STK24: variants seen among roughly 807,000 people sequenced by gnomAD.
The protein encoded by STK24 is serine/threonine-protein kinase 24.
A neutral mutation model predicts 55.6 loss-of-function variants in STK24; 21 were observed. The ratio of observed to expected loss-of-function variants is 0.38; its 90% CI spans 0.27 to 0.54. The LOEUF is 0.54. Ranked by LOEUF, STK24 falls within the 20% of genes least tolerant of loss-of-function variation. STK24 has a pLI of 0.79. For missense variants in STK24, 383 were observed against 538.4 expected (o/e 0.71, Z 2.86); for synonymous variants, 200 against 215.2 (o/e 0.93, Z 0.62).
intron 1 of STK24, among the ~76,000 whole-genome samples, chr13:98,535,914 C>T (rs1406802164): frequency 6.6e-6 from 1 of 152,190 alleles, no homozygotes; most frequent in Non-Finnish European, 1.5e-5. Flanking sequence ...AACTCACCTT[C>T]CTGTATTTTA....
chr13:98,503,024 G>GTTTTTTTTTGTT (rs1895541764), intron 2 of STK24, among the ~76,000 whole-genome samples: 1 of 107,084 alleles, frequency 9.3e-6, no homozygotes, highest in Admixed American at 1.0e-4. Flanking sequence ...CTTTCCATGT[G>GTTTTTTTTTGTT]TTTTTTTTTT....
intron 1 of STK24, among the ~76,000 whole-genome samples, chr13:98,531,382 T>C (rs1896575662): frequency 1.3e-5 from 2 of 152,104 alleles, no homozygotes; most frequent in African/African-American, 4.8e-5. Flanking sequence ...TGTGGGCAGT[T>C]TTCCCGCCAG....
At chr13:98,503,857 G>A (rs1895584992) in intron 2 of STK24, among the ~76,000 whole-genome samples, 2 of 152,150 alleles carry the variant, frequency 1.3e-5, no homozygotes, top group South Asian at 2.1e-4. Context: ...AACATGCCAC[G>A]ACTCCCACTG....
intron 1 of STK24, among the ~76,000 whole-genome samples, chr13:98,545,527 G>A (rs1471190335): frequency 2.0e-5 from 3 of 151,890 alleles, no homozygotes; most frequent in East Asian, 1.9e-4. Context: ...CCAGCTACTC[G>A]GGAGGCTGAG....
chr13:98,448,106 C>T lies in STK24; in HGVS notation c.*5067G>A, dbSNP rs1658362032. 2 of 750,498 alleles carry T rather than the reference C, an allele frequency of 2.7e-6. No individual in the cohort carries two copies. Among genetic ancestry groups the T allele is most frequent in the Non-Finnish European group, 4.7e-6 (2 of 424,736 alleles). The allele number at this position is 750,498 out of a possible 1,614,324, so 46.5% of individuals were successfully genotyped here. ...CCTGGGTGCTGGCTGTTCCCTTGCTCTTCTGCTGAAGTGGCAGATTACCAA... is the reference window on the plus strand; with the variant it reads ...CCTGGGTGCTGGCTGTTCCCTTGCTTTTCTGCTGAAGTGGCAGATTACCAA... On this transcript the variant is annotated 3_prime_UTR_variant, in exon 11 of 11. Coordinates refer to ENST00000539966, the MANE Select transcript of STK24 (RefSeq NM_001032296.4).
Position 98,513,525 on chromosome 13 carries a change from G to A in STK24, c.273+5718C>T, listed in dbSNP as rs141891383. On this transcript the variant is annotated intron_variant, in intron 2 of 10. Coordinates refer to ENST00000539966, the MANE Select transcript of STK24 (RefSeq NM_001032296.4). ...AGTGAGGAAAGGTCCATATGGGGCA[G>A]TGGCAGGAGGAACAGAGAGGTACAC... Among the ~76,000 whole-genome samples, 25 of 152,302 alleles carry A rather than the reference G, an allele frequency of 1.6e-4. No individual in the cohort carries two copies. In the East Asian group the frequency reaches 4.6e-3, roughly 28 times the overall value.
At chr13:98,514,363 G>GA (rs1290028714) in intron 2 of STK24, among the ~76,000 whole-genome samples, 1 of 152,146 alleles carries the variant, frequency 6.6e-6, no homozygotes, top group African/African-American at 2.4e-5. Context: ...GGGGACCACA[G>GA]AAAAAACAAT....
intron 2 of STK24, among the ~76,000 whole-genome samples, chr13:98,498,914 T>A (rs1175134928): frequency 6.6e-6 from 1 of 152,088 alleles, no homozygotes; most frequent in Non-Finnish European, 1.5e-5. Flanking sequence ...ATTTTCTGTC[T>A]CCAAGAAACC....
chr13:98,524,855 A>G (rs1896377721), intron 1 of STK24, among the ~76,000 whole-genome samples: 1 of 152,188 alleles, frequency 6.6e-6, no homozygotes, highest in African/African-American at 2.4e-5. Flanking sequence ...GTCCCAAAAG[A>G]CGTTTCCAGG....
intron 1 of STK24, among the ~76,000 whole-genome samples, chr13:98,570,442 G>GAAGAGACTTAAAATAAT (rs1221825946): frequency 1.3e-5 from 2 of 152,184 alleles, no homozygotes; most frequent in Non-Finnish European, 2.9e-5. Context: ...TAAAAAACAG[G>GAAGAGACTTAAAATAAT]AAGAGACTTA....
At position 98,447,037 on chromosome 13, in the gene STK24, G is replaced by A. The variant is rs933257706; in HGVS notation, c.*6136C>T. On this transcript the variant is annotated 3_prime_UTR_variant, in exon 11 of 11. Transcript: ENST00000539966. ...TGCGCCCTTACCCTGCACGGTGTTG[G>A]CTGAGGCCCTAGACATCTTGCTTGG... 1 of 530,322 alleles carries A rather than the reference G, an allele frequency of 1.9e-6. No homozygotes were observed. Among genetic ancestry groups the A allele is most frequent in the Middle Eastern group, 5.0e-4 (1 of 2,016 alleles). 32.9% of individuals were successfully genotyped at this position (530,322 alleles called of 1,614,324 possible). A position where few individuals can be genotyped will look rare whatever the true frequency, so the allele number is the denominator to read the frequency against.
intron 2 of STK24, among the ~76,000 whole-genome samples, chr13:98,500,989 C>T (rs1466102952): frequency 1.4e-5 from 2 of 148,134 alleles, no homozygotes; most frequent in Non-Finnish European, 3.0e-5. Flanking sequence ...GTCACACTGG[C>T]CAATACACAT....
At chr13:98,457,044 A>G (rs1363351731) in intron 10 of STK24, 124 bp downstream of exon 10, 4 of 1,180,024 alleles carry the variant, frequency 3.4e-6, no homozygotes, top group Admixed American at 5.4e-5. Flanking sequence ...AACTCTGTCT[A>G]CCCTGAGGCC....
intron 5 of STK24, among the ~76,000 whole-genome samples, chr13:98,469,205 G>C (rs542448309): frequency 4.1e-4 from 62 of 152,130 alleles, no homozygotes; most frequent in Non-Finnish European, 8.1e-4. Context: ...CGCAACCCAC[G>C]TATCAGTCTC....
intron 1 of STK24, among the ~76,000 whole-genome samples, chr13:98,549,301 C>T (rs1382657385): frequency 1.3e-5 from 2 of 152,190 alleles, no homozygotes; most frequent in African/African-American, 2.4e-5. Flanking sequence ...CTGGCAGATT[C>T]GGTGTGTACT....
chr13:98,525,662 G>C (rs1000998382), intron 1 of STK24, among the ~76,000 whole-genome samples: 2 of 152,176 alleles, frequency 1.3e-5, no homozygotes, highest in African/African-American at 4.8e-5. Context: ...AAGCACAAGG[G>C]AGTGACTTCC....
At chr13:98,502,096 C>G (rs1285466815) in intron 2 of STK24, among the ~76,000 whole-genome samples, 1 of 152,168 alleles carries the variant, frequency 6.6e-6, no homozygotes, top group Admixed American at 6.5e-5. Flanking sequence ...GCCTCTTGGC[C>G]TCTTGTCCTG....
intron 1 of STK24, among the ~76,000 whole-genome samples, chr13:98,538,658 A>G (rs752071738): frequency 2.0e-5 from 3 of 152,192 alleles, no homozygotes; most frequent in Non-Finnish European, 2.9e-5. Flanking sequence ...CTAGTCCTCT[A>G]TTCTGGTACA....
At chr13:98,535,558 A>G (rs1896706867) in intron 1 of STK24, among the ~76,000 whole-genome samples, 1 of 152,128 alleles carries the variant, frequency 6.6e-6, no homozygotes, top group African/African-American at 2.4e-5. Flanking sequence ...AAACAGTAAC[A>G]AACAGTGGCA....
Sources: gnomAD v4.1 joint callset for allele counts (sites outside exome capture counted in the v4.1 genomes callset) on GRCh38, gnomAD v4.1.1 for gene constraint, MANE v1.5 for transcripts, NCBI Gene and HGNC (gene_info 2026-07-23, HGNC 2026-07-21) for gene names.